The following CSMD1 variants were observed in gnomAD, a reference collection of about 807,000 sequenced individuals.
CSMD1 encodes CUB and Sushi multiple domains 1.
CSMD1 carries 213 observed loss-of-function variants against 417.5 expected under a neutral mutation model. The observed-to-expected ratio is 0.51, with a 90% CI of 0.46 to 0.57. The LOEUF is 0.57. CSMD1 is among the 20% of genes least tolerant of loss of function. The pLI is 0.00. For synonymous variants in CSMD1, 2,862 were observed against 1,736.8 expected, an observed-to-expected ratio of 1.65 and a Z score of -16.11; for missense variants, 6,923 against 4,529.7, an observed-to-expected ratio of 1.53 and a Z score of -15.17.
intron 1 of CSMD1, among the ~76,000 whole-genome samples, chr8:4,891,697 A>G (rs1417562407): frequency 6.6e-6 from 1 of 152,124 alleles, no homozygotes; most frequent in African/African-American, 2.4e-5. Context: ...ATATTAATGC[A>G]TACAAAACCA....
intron 10 of CSMD1, among the ~76,000 whole-genome samples, chr8:3,497,557 A>T (rs1489982547): frequency 6.6e-6 from 1 of 152,120 alleles, no homozygotes; most frequent in Non-Finnish European, 1.5e-5. Context: ...GGGTCAATAT[A>T]CCCAGCCATT....
chr8:2,987,438 G>A (rs1308689047), intron 54 of CSMD1, among the ~76,000 whole-genome samples: 1 of 148,000 alleles, frequency 6.8e-6, no homozygotes, highest in African/African-American at 2.5e-5. Flanking sequence ...ATATATATAA[G>A]AAATATATAA....
chr8:3,702,401 A>C (rs1800921076), intron 7 of CSMD1: 1 of 152,202 alleles, frequency 6.6e-6, no homozygotes, highest in Non-Finnish European at 1.5e-5. Flanking sequence ...AGATGTATAT[A>C]TTTTGGAGTT....
intron 3 of CSMD1, among the ~76,000 whole-genome samples, chr8:4,179,744 C>T (rs1342089099): frequency 1.2e-4 from 2 of 17,282 alleles, no homozygotes; most frequent in East Asian, 4.2e-3. Flanking sequence ...AAAAAACAAA[C>T]AACCCCATCA....
intron 20 of CSMD1, 75 bp downstream of exon 20, chr8:3,366,957 C>T (rs940347743): frequency 5.3e-6 from 6 of 1,132,264 alleles, no homozygotes; most frequent in Non-Finnish European, 7.9e-6. Flanking sequence ...CACACACACA[C>T]CCACACACAT....
At chr8:4,306,742 C>G (rs183757386) in intron 3 of CSMD1, among the ~76,000 whole-genome samples, 1 of 152,066 alleles carries the variant, frequency 6.6e-6, no homozygotes, top group South Asian at 2.1e-4. Flanking sequence ...AGTGCCCGAC[C>G]GCAGCAGGGT....
intron 26 of CSMD1, among the ~76,000 whole-genome samples, chr8:3,242,276 C>G (rs181931402): frequency 2.0e-5 from 3 of 150,984 alleles, no homozygotes; most frequent in African/African-American, 4.9e-5. Flanking sequence ...GATTTGGGAC[C>G]TAGCTCGGCC....
intron 5 of CSMD1, among the ~76,000 whole-genome samples, chr8:3,833,283 A>G (rs1302394129): frequency 6.6e-6 from 1 of 152,068 alleles, no homozygotes; most frequent in Non-Finnish European, 1.5e-5. Flanking sequence ...TACAACACTG[A>G]TATCTGTTTA....
chr8:3,822,857 G>T (rs556481660), intron 5 of CSMD1, among the ~76,000 whole-genome samples: 15 of 152,082 alleles, frequency 9.9e-5, no homozygotes, highest in African/African-American at 2.7e-4. Flanking sequence ...TATGCATGTG[G>T]TATTTAGAAT....
At chr8:4,844,230 A>G (rs2116795776) in intron 1 of CSMD1, among the ~76,000 whole-genome samples, 1 of 152,274 alleles carries the variant, frequency 6.6e-6, no homozygotes, top group Non-Finnish European at 1.5e-5. Flanking sequence ...TTCAAGTAGT[A>G]AGGTTACATT....
At chr8:3,615,524 T>A (rs1009115484) in intron 8 of CSMD1, among the ~76,000 whole-genome samples, 2 of 152,206 alleles carry the variant, frequency 1.3e-5, no homozygotes, top group Non-Finnish European at 2.9e-5. Flanking sequence ...CTATATCCAT[T>A]CCGACACTAT....
chr8:3,603,409 C>A (rs1199009296), intron 8 of CSMD1, among the ~76,000 whole-genome samples: 1 of 152,108 alleles, frequency 6.6e-6, no homozygotes, highest in Non-Finnish European at 1.5e-5. Flanking sequence ...TCAGGAAAGG[C>A]TTGCGAGCTA....
At chr8:4,258,260 G>A (rs1489665605) in intron 3 of CSMD1, among the ~76,000 whole-genome samples, 2 of 143,516 alleles carry the variant, frequency 1.4e-5, no homozygotes, top group East Asian at 2.1e-4. Context: ...CTATCTTAAA[G>A]GCCTGTCGCT....
At chr8:4,671,630 G>A (rs577439865) in intron 1 of CSMD1, among the ~76,000 whole-genome samples, 53 of 152,298 alleles carry the variant, frequency 3.5e-4, no homozygotes, top group Admixed American at 2.2e-3. Context: ...AGCACAGAGA[G>A]CTTCAACTAA....
At chr8:3,684,857 C>G (rs1271216054) in intron 7 of CSMD1, among the ~76,000 whole-genome samples, 1 of 152,082 alleles carries the variant, frequency 6.6e-6, no homozygotes, top group African/African-American at 2.4e-5. Flanking sequence ...TTATTACATT[C>G]AGAATTCTTA....
intron 11 of CSMD1, among the ~76,000 whole-genome samples, chr8:3,482,728 C>G (rs931469231): frequency 2.6e-5 from 4 of 152,054 alleles, no homozygotes; most frequent in African/African-American, 9.7e-5. Context: ...ACACCCTGGG[C>G]CAGATAATAG....
At chr8:3,479,549 G>C (rs917717498) in intron 11 of CSMD1, among the ~76,000 whole-genome samples, 6 of 152,140 alleles carry the variant, frequency 3.9e-5, no homozygotes, top group Non-Finnish European at 5.9e-5. Flanking sequence ...CAAAGTGCTG[G>C]GATTACAGGT....
chr8:3,804,699 T>C (rs1300456751), intron 5 of CSMD1, among the ~76,000 whole-genome samples: 1 of 152,046 alleles, frequency 6.6e-6, no homozygotes, highest in Non-Finnish European at 1.5e-5. Flanking sequence ...GGAAGAAAAA[T>C]GTAAACACAT....
intron 2 of CSMD1, among the ~76,000 whole-genome samples, chr8:4,449,088 G>T (rs1000995289): frequency 1.2e-4 from 18 of 152,174 alleles, no homozygotes; most frequent in Non-Finnish European, 2.9e-5. Flanking sequence ...TAAGGAGATT[G>T]AATAGCTTAA....
Sources: gnomAD v4.1 joint callset for allele counts (sites outside exome capture counted in the v4.1 genomes callset) on GRCh38, gnomAD v4.1.1 for gene constraint, MANE v1.5 for transcripts, NCBI Gene and HGNC (gene_info 2026-07-23, HGNC 2026-07-21) for gene names.